ZBTB20: variants seen among roughly 807,000 people sequenced by gnomAD.
The protein encoded by ZBTB20 is zinc finger and BTB domain-containing protein 20.
A neutral mutation model predicts 56.9 loss-of-function variants in ZBTB20; 9 were observed. The observed-to-expected ratio is 0.16, with a 90% confidence interval of 0.10 to 0.28. ZBTB20 has a LOEUF of 0.28. ZBTB20 is among the 10% of genes least tolerant of loss of function. The pLI is 1.00. For missense variants in ZBTB20, 655 were observed against 1,003.0 expected (o/e 0.65, Z 4.69); for synonymous variants, 417 against 420.7 (o/e 0.99, Z 0.11).
At chr3:114,814,070 T>C (rs1419976697) in intron 4 of ZBTB20, among the ~76,000 whole-genome samples, 6 of 151,766 alleles carry the variant, frequency 4.0e-5, no homozygotes. Context: ...CCTAGAAAAT[T>C]GATTTTTCTT....
intron 3 of ZBTB20, among the ~76,000 whole-genome samples, chr3:114,925,571 G>A (rs1423622369): frequency 3.3e-5 from 5 of 152,090 alleles, no homozygotes; most frequent in Non-Finnish European, 7.4e-5. Context: ...TCTGTTGCCA[G>A]GCTGGAGTGC....
chr3:115,107,468 T>G (rs2083756286), intron 1 of ZBTB20, among the ~76,000 whole-genome samples: 1 of 150,474 alleles, frequency 6.6e-6, no homozygotes, highest in Non-Finnish European at 1.5e-5. Context: ...CTCACACCAG[T>G]CAGAATGGGG....
intron 7 of ZBTB20, among the ~76,000 whole-genome samples, chr3:114,451,720 T>C (rs543631069): frequency 6.6e-6 from 1 of 152,220 alleles, no homozygotes; most frequent in African/African-American, 2.4e-5. Context: ...TAAAAAGTCA[T>C]ATGATATCTG....
intron 3 of ZBTB20, among the ~76,000 whole-genome samples, chr3:114,940,920 C>T (rs1560420973): frequency 6.8e-6 from 1 of 146,186 alleles, no homozygotes; most frequent in Non-Finnish European, 1.5e-5. Context: ...GTTAAATTCA[C>T]TGAATTTATA....
At chr3:114,463,689 G>T (rs1007548852) in intron 7 of ZBTB20, among the ~76,000 whole-genome samples, 2 of 152,166 alleles carry the variant, frequency 1.3e-5, no homozygotes, top group African/African-American at 4.8e-5. Context: ...AAGCATTCCT[G>T]AAGGAAATCT....
intron 3 of ZBTB20, among the ~76,000 whole-genome samples, chr3:114,908,385 C>T (rs2075398884): frequency 6.6e-6 from 1 of 151,994 alleles, no homozygotes; most frequent in African/African-American, 2.4e-5. Context: ...CCACAACCCT[C>T]CCAGGGGAAT....
chr3:114,633,509 C>T (rs2059081400), intron 6 of ZBTB20, among the ~76,000 whole-genome samples: 2 of 152,148 alleles, frequency 1.3e-5, no homozygotes, highest in Admixed American at 6.6e-5. Flanking sequence ...ATTTAGGAAT[C>T]AGGCTCTGCA....
At chr3:114,514,701 G>T (rs1344698281) in intron 6 of ZBTB20, among the ~76,000 whole-genome samples, 1 of 152,162 alleles carries the variant, frequency 6.6e-6, no homozygotes, top group Non-Finnish European at 1.5e-5. Flanking sequence ...ATTAAGATAG[G>T]AGGAAATGAG....
At chr3:114,689,829 A>G (rs2062589059) in intron 6 of ZBTB20, among the ~76,000 whole-genome samples, 1 of 152,144 alleles carries the variant, frequency 6.6e-6, no homozygotes. Context: ...TGCTGAAAAA[A>G]GTGAAGAAGA....
At chr3:114,892,637 T>A (rs2076857982) in intron 4 of ZBTB20, among the ~76,000 whole-genome samples, 1 of 123,750 alleles carries the variant, frequency 8.1e-6, no homozygotes. Context: ...TTGGCACTTC[T>A]CTCACTCTAG....
intron 4 of ZBTB20, among the ~76,000 whole-genome samples, chr3:114,855,933 G>A (rs2075231764): frequency 6.6e-6 from 1 of 152,208 alleles, no homozygotes; most frequent in Non-Finnish European, 1.5e-5. Context: ...TGTGGCGAGA[G>A]TAAATAACCC....
intron 6 of ZBTB20, among the ~76,000 whole-genome samples, chr3:114,668,182 T>C (rs902578123): frequency 2.0e-5 from 3 of 152,044 alleles, no homozygotes; most frequent in Non-Finnish European, 4.4e-5. Flanking sequence ...TCAGTTTCCC[T>C]TTAAATTCTA....
intron 5 of ZBTB20, among the ~76,000 whole-genome samples, chr3:114,731,759 C>T (rs937117620): frequency 4.0e-5 from 6 of 151,578 alleles, no homozygotes; most frequent in Admixed American, 6.6e-5. Context: ...GTAACTAACC[C>T]GGCTGTACCT....
At chr3:114,463,566 C>G (rs1374620135) in intron 7 of ZBTB20, among the ~76,000 whole-genome samples, 1 of 152,138 alleles carries the variant, frequency 6.6e-6, no homozygotes, top group Non-Finnish European at 1.5e-5. Context: ...TACTATAACA[C>G]TGAAGAAAAC....
intron 4 of ZBTB20, among the ~76,000 whole-genome samples, chr3:114,805,096 GATAGT>G (rs2072005385): frequency 6.6e-6 from 1 of 151,840 alleles, no homozygotes; most frequent in Non-Finnish European, 1.5e-5. Context: ...AAGTTGCAAT[GATAGT>G]ACAGAGAGTA....
chr3:114,767,093 A>G (rs973504330), intron 5 of ZBTB20, among the ~76,000 whole-genome samples: 2 of 152,112 alleles, frequency 1.3e-5, no homozygotes, highest in Non-Finnish European at 2.9e-5. Context: ...ATCAGCAAAT[A>G]TAAGAATTAC....
intron 1 of ZBTB20, among the ~76,000 whole-genome samples, chr3:115,138,924 A>T (rs186065410): frequency 1.3e-5 from 2 of 152,000 alleles, no homozygotes; most frequent in Admixed American, 1.3e-4. Flanking sequence ...TGATTCTTCA[A>T]TATGTATACT....
chr3:114,745,212 T>C (rs2066936512), intron 5 of ZBTB20, among the ~76,000 whole-genome samples: 1 of 152,150 alleles, frequency 6.6e-6, no homozygotes, highest in Admixed American at 6.5e-5. Flanking sequence ...TGCTGCTCAG[T>C]TTAGAACAAC....
At chr3:115,054,176 A>G (rs944441816) in intron 2 of ZBTB20, among the ~76,000 whole-genome samples, 1 of 150,320 alleles carries the variant, frequency 6.7e-6, no homozygotes, top group Non-Finnish European at 1.5e-5. Context: ...CTATAGAGAA[A>G]TAGCTGTGAA....
Sources: allele counts gnomAD v4.1 joint callset (sites outside exome capture counted in the v4.1 genomes callset), GRCh38; gene constraint gnomAD v4.1.1; transcripts MANE v1.5; gene names NCBI Gene and HGNC (gene_info 2026-07-23, HGNC 2026-07-21).